Variants in NR3C1 observed in about 807,000 individuals in gnomAD.
The protein encoded by NR3C1 is glucocorticoid receptor.
Under a neutral mutation model 74.0 loss-of-function variants are expected in NR3C1, and 14 were observed. The observed-to-expected ratio is 0.19, with a 90% CI of 0.12 to 0.30. NR3C1 has a LOEUF of 0.30. Among genes scored for constraint, NR3C1 ranks in the 10% least tolerant of loss-of-function variants. The probability of loss-of-function intolerance (pLI) is 1.00; values close to 1 mark genes in which losing one functional copy is unlikely to be tolerated. For synonymous variants in NR3C1, 308 were observed against 332.5 expected, an observed-to-expected ratio of 0.93 and a Z score of 0.80; for missense variants, 695 against 909.8, an observed-to-expected ratio of 0.76 and a Z score of 3.04.
At chr5:143,403,028 A>T (rs1369597621) in intron 1 of NR3C1, among the ~76,000 whole-genome samples, 183 bp downstream of exon 1, 1 of 133,642 alleles carries the variant, frequency 7.5e-6, no homozygotes, top group Non-Finnish European at 1.5e-5. Flanking sequence ...GGAAGAGGCC[A>T]GCGCTGTCAC....
At chr5:143,303,165 A>G (rs1406276908) in intron 4 of NR3C1, among the ~76,000 whole-genome samples, 1 of 150,798 alleles carries the variant, frequency 6.6e-6, no homozygotes, top group African/African-American at 2.4e-5. Flanking sequence ...CTATGCACAC[A>G]AAGTAGACAA....
intron 2 of NR3C1, among the ~76,000 whole-genome samples, chr5:143,321,790 AT>A (rs948546814): frequency 1.3e-5 from 2 of 152,222 alleles, no homozygotes; most frequent in Admixed American, 6.5e-5. Context: ...AGTGTCCACC[AT>A]GGTATTCCTG....
At chr5:143,380,166 G>C (rs375902726) in intron 2 of NR3C1, among the ~76,000 whole-genome samples, 8 of 152,214 alleles carry the variant, frequency 5.3e-5, no homozygotes, top group African/African-American at 1.9e-4. Context: ...AGAGGGCCCC[G>C]ATATGCAAAA....
intron 2 of NR3C1, among the ~76,000 whole-genome samples, chr5:143,331,838 T>A (rs1170400813): frequency 1.3e-5 from 2 of 152,164 alleles, no homozygotes; most frequent in African/African-American, 2.4e-5. Flanking sequence ...CTGTGTTTAT[T>A]TCCTGGGTGA....
chr5:143,330,921 C>A (rs1281228696), intron 2 of NR3C1, among the ~76,000 whole-genome samples: 3 of 152,110 alleles, frequency 2.0e-5, no homozygotes, highest in Non-Finnish European at 4.4e-5. Context: ...CTCAAAATAC[C>A]AATGACATTC....
intron 2 of NR3C1, among the ~76,000 whole-genome samples, chr5:143,318,910 T>C (rs1179494134): frequency 6.6e-6 from 1 of 152,230 alleles, no homozygotes; most frequent in Admixed American, 6.5e-5. Context: ...CTTCAAAGAT[T>C]TTAAGTGCAT....
At chr5:143,316,864 C>T (rs1394713801) in intron 2 of NR3C1, among the ~76,000 whole-genome samples, 2 of 152,036 alleles carry the variant, frequency 1.3e-5, no homozygotes, top group African/African-American at 2.4e-5. Flanking sequence ...ATCCTAGGAC[C>T]GTATTCCCAA....
rs1193395503 is a variant in NR3C1 at position 143,280,691 on chromosome 5, C to G, written c.*1198G>C. On this transcript the variant is annotated 3_prime_UTR_variant, in exon 9 of 9. Coordinates refer to ENST00000394464, the MANE Select transcript of NR3C1 (RefSeq NM_000176.3). ...CAGTAGCTGAGCTTTCCTGTACCAT[C>G]AGGAAAGATTAACCAATTGGTGACA... The G allele has an allele frequency of 6.6e-6, 1 of 152,500 alleles. No individual in the cohort carries two copies. Among genetic ancestry groups the G allele is most frequent in the African/African-American group, 2.4e-5 (1 of 41,400 alleles). 9.4% of individuals were successfully genotyped at this position (152,500 alleles called of 1,614,324 possible). A position where few individuals can be genotyped will look rare whatever the true frequency, so the allele number is the denominator to read the frequency against.
chr5:143,363,572 C>T (rs1035420497), intron 2 of NR3C1, among the ~76,000 whole-genome samples: 5 of 55,938 alleles, frequency 8.9e-5, no homozygotes, highest in Admixed American at 5.7e-4. Flanking sequence ...GACTCCATCT[C>T]CAAAAAAATA....
At chr5:143,290,896 G>GTGTT (rs1334559682) in intron 7 of NR3C1, among the ~76,000 whole-genome samples, 3 of 152,238 alleles carry the variant, frequency 2.0e-5, no homozygotes, top group East Asian at 3.9e-4. Context: ...AACTACTGAT[G>GTGTT]TGTTTGAATT....
chr5:143,312,992 G>T (rs10482671), intron 3 of NR3C1, among the ~76,000 whole-genome samples: 5 of 152,038 alleles, frequency 3.3e-5, no homozygotes, highest in African/African-American at 1.2e-4. Flanking sequence ...TTTATAATTT[G>T]CTAATGTATT....
intron 1 of NR3C1, chr5:143,402,671 T>G: frequency 3.0e-6 from 3 of 985,326 alleles, no homozygotes; most frequent in Non-Finnish European, 2.4e-6. Flanking sequence ...GTCTCCAAGT[T>G]GCGGGCTGTC....
At chr5:143,391,037 T>C (rs1001552927) in intron 2 of NR3C1, among the ~76,000 whole-genome samples, 3 of 152,140 alleles carry the variant, frequency 2.0e-5, no homozygotes, top group African/African-American at 7.2e-5. Context: ...TTGGGTTTTC[T>C]GTTTTAAAAA....
intron 7 of NR3C1, among the ~76,000 whole-genome samples, chr5:143,291,213 A>T (rs1815868590): frequency 6.6e-6 from 1 of 152,004 alleles, no homozygotes; most frequent in Non-Finnish European, 1.5e-5. Flanking sequence ...AGTCCTTCTT[A>T]AAGATGGGAT....
chr5:143,303,247 G>T (rs184027254), intron 4 of NR3C1, among the ~76,000 whole-genome samples: 3 of 147,144 alleles, frequency 2.0e-5, no homozygotes, highest in Non-Finnish European at 4.5e-5. Flanking sequence ...GTATGTGGGT[G>T]GGGGGGCGGG....
chr5:143,402,904 T>G, intron 1 of NR3C1: 1 of 919,214 alleles, frequency 1.1e-6, no homozygotes, highest in Non-Finnish European at 1.3e-6. Flanking sequence ...GAGGCCAGGA[T>G]TCCCGCGAGG....
chr5:143,384,733 C>T (rs1019842295), intron 2 of NR3C1, among the ~76,000 whole-genome samples: 2 of 152,242 alleles, frequency 1.3e-5, no homozygotes, highest in African/African-American at 2.4e-5. Context: ...CTGCTGGGTA[C>T]AGACCCTGCA....
rs1423998716 is a variant in NR3C1, at chr5:143,281,910, T to C, written c.2313A>G (p.Lys771=). ...GCAGTCACTTTTGATGAAACAGAAG[T>C]TTTTTGATATTTCCATTTGAATATT... ...IPKYSNGNIK[K]LLFHQK is the part of the protein sequence containing the mutation. The change falls in exon 9 of 9, where the codon AAA becomes AAG. Residue 771 remains lysine, a synonymous_variant. Transcript: ENST00000394464. The C allele has an allele frequency of 6.2e-7, 1 of 1,613,394 alleles. No individual in the cohort carries two copies. The highest frequency in any genetic ancestry group is 8.5e-7 in the Non-Finnish European group (1 of 1,179,654).
chr5:143,365,972 A>G (rs1833106808), intron 2 of NR3C1, among the ~76,000 whole-genome samples: 1 of 152,212 alleles, frequency 6.6e-6, no homozygotes, highest in African/African-American at 2.4e-5. Context: ...AAACAAAAAT[A>G]CAACATACCA....
Sources: gnomAD v4.1 joint callset for allele counts (sites outside exome capture counted in the v4.1 genomes callset) on GRCh38, gnomAD v4.1.1 for gene constraint, MANE v1.5 for transcripts, NCBI Gene and HGNC (gene_info 2026-07-23, HGNC 2026-07-21) for gene names.